The following RIMKLB variants were observed in gnomAD, a reference collection of about 807,000 sequenced individuals.
RIMKLB encodes the protein ribosomal modification protein rimK like family member B.
RIMKLB carries 7 observed loss-of-function variants against 32.0 expected under a neutral mutation model. The observed-to-expected ratio is 0.22, with a 90% CI of 0.12 to 0.41. The LOEUF (loss-of-function observed/expected upper bound fraction) is 0.41. Among genes scored for constraint, RIMKLB ranks in the 10% least tolerant of loss-of-function variants. The pLI is 1.00. For synonymous variants in RIMKLB, 172 were observed against 185.1 expected, an observed-to-expected ratio of 0.93 and a Z score of 0.57; for missense variants, 289 against 498.7, an observed-to-expected ratio of 0.58 and a Z score of 4.00.
chr12:8,756,050 G>C (rs1948994931), intron 5 of RIMKLB, among the ~76,000 whole-genome samples: 1 of 151,732 alleles, frequency 6.6e-6, no homozygotes, highest in South Asian at 2.1e-4. Context: ...GGCTACTCTG[G>C]AGGCTGAGGC....
chr12:8,731,091 T>C (rs1363360495), intron 2 of RIMKLB, among the ~76,000 whole-genome samples: 1 of 146,926 alleles, frequency 6.8e-6, no homozygotes, highest in African/African-American at 2.7e-5. Context: ...GACCTTTCAC[T>C]GTTTCTCTTT....
chr12:8,688,656 C>A (rs1043676508), intron 1 of RIMKLB, among the ~76,000 whole-genome samples: 1 of 151,818 alleles, frequency 6.6e-6, no homozygotes, highest in Non-Finnish European at 1.5e-5. Flanking sequence ...GATTTTTAAA[C>A]CTTAACAATT....
chr12:8,735,639 A>T (rs1229432843), intron 2 of RIMKLB, among the ~76,000 whole-genome samples: 3 of 152,040 alleles, frequency 2.0e-5, no homozygotes, highest in Non-Finnish European at 4.4e-5. Context: ...AAATTTTAAA[A>T]CTTTATTCAC....
intron 5 of RIMKLB, among the ~76,000 whole-genome samples, chr12:8,758,571 A>G (rs1435486471): frequency 1.3e-5 from 2 of 152,142 alleles, no homozygotes; most frequent in Non-Finnish European, 2.9e-5. Flanking sequence ...AAGCATATTC[A>G]TCTATTTCTT....
intron 2 of RIMKLB, among the ~76,000 whole-genome samples, chr12:8,718,715 T>C (rs923069458): frequency 1.4e-5 from 2 of 138,764 alleles, no homozygotes; most frequent in African/African-American, 5.8e-5. Context: ...GTGTGTATAA[T>C]CATTTTTAGA....
chr12:8,729,769 T>C (rs1162933188), intron 2 of RIMKLB, among the ~76,000 whole-genome samples: 1 of 152,108 alleles, frequency 6.6e-6, no homozygotes, highest in Non-Finnish European at 1.5e-5. Flanking sequence ...CCTGACCTAA[T>C]AGTCCATTTT....
intron 2 of RIMKLB, among the ~76,000 whole-genome samples, chr12:8,734,511 C>T (rs988491108): frequency 1.3e-5 from 2 of 152,108 alleles, no homozygotes; most frequent in African/African-American, 2.4e-5. Context: ...AGCTTTGTCT[C>T]ATAGATGAAA....
At chr12:8,770,254 C>T (rs775527267) in intron 5 of RIMKLB, among the ~76,000 whole-genome samples, 76 of 152,152 alleles carry the variant, frequency 5.0e-4, no homozygotes, top group African/African-American at 1.5e-3. Context: ...TGAGCCACCG[C>T]GCCTGGCCTA....
Position 8,774,672 on chromosome 12 carries a change from A to C in RIMKLB, c.*888A>C. ...TGAAGAAAATGCTACCTTTTTTGTT[A>C]ACAAGACACTGACTTGAAACATGTA... On this transcript the variant is annotated 3_prime_UTR_variant, in exon 6 of 6. Transcript: ENST00000535829. The C allele has an allele frequency of 1.0e-6, 1 of 985,176 alleles. No homozygotes were observed. The highest frequency in any genetic ancestry group is 1.2e-6 in the Non-Finnish European group (1 of 829,774). The allele number at this position is 985,176 out of a possible 1,614,324, so 61.0% of individuals were successfully genotyped here.
upstream of RIMKLB, among the ~76,000 whole-genome samples, chr12:8,692,568 C>G (rs1942762453): frequency 6.6e-6 from 1 of 152,128 alleles, no homozygotes. Flanking sequence ...GGGGGAAAAC[C>G]TGTATCATGT....
chr12:8,720,737 A>C (rs765862210), intron 2 of RIMKLB, among the ~76,000 whole-genome samples: 1 of 152,166 alleles, frequency 6.6e-6, no homozygotes, highest in East Asian at 1.9e-4. Context: ...ATGGGGTTTC[A>C]CCTTGTTGGC....
chr12:8,706,529 C>G (rs1219474647), intron 1 of RIMKLB, among the ~76,000 whole-genome samples: 2 of 150,748 alleles, frequency 1.3e-5, no homozygotes, highest in Admixed American at 1.3e-4. Context: ...TGGTTCACTG[C>G]AACCTCTGCC....
chr12:8,737,499 T>C (rs1041876015), intron 2 of RIMKLB, among the ~76,000 whole-genome samples: 2 of 152,194 alleles, frequency 1.3e-5, no homozygotes, highest in African/African-American at 4.8e-5. Context: ...CCTTACTATA[T>C]AGATATAGTG....
chr12:8,769,570 CCTTTTT>C (rs1237070258), intron 5 of RIMKLB, among the ~76,000 whole-genome samples: 3 of 151,886 alleles, frequency 2.0e-5, no homozygotes, highest in Non-Finnish European at 4.4e-5. Flanking sequence ...TCAAATTGTT[CCTTTTT>C]CTTTTTCTTT....
chr12:8,774,490 T>C lies in RIMKLB; in HGVS notation c.*706T>C, dbSNP rs1452872726. On this transcript the variant is annotated 3_prime_UTR_variant, in exon 6 of 6. Transcript: ENST00000535829. ...TAACATTAATTCAATGTAGATAAAA[T>C]TACACTAGTTTAAAATATGTGCATT... 32 of 981,896 alleles carry C rather than the reference T, an allele frequency of 3.3e-5. No homozygotes were observed. Among genetic ancestry groups the C allele is most frequent in the Non-Finnish European group, 3.9e-5 (32 of 826,536 alleles). 60.8% of individuals were successfully genotyped at this position (981,896 alleles called of 1,614,324 possible).
intron 5 of RIMKLB, among the ~76,000 whole-genome samples, chr12:8,771,359 A>T (rs1208787226): frequency 6.6e-6 from 1 of 152,128 alleles, no homozygotes; most frequent in Admixed American, 6.5e-5. Context: ...GCTGTGGGGT[A>T]GGTGAAAGGA....
At chr12:8,693,908 G>A (rs552480086), upstream of RIMKLB, among the ~76,000 whole-genome samples, 38 of 152,120 alleles carry the variant, frequency 2.5e-4, no homozygotes, top group Non-Finnish European at 4.7e-4. Context: ...GATTTAATCA[G>A]TTTTTGGGAG....
the RIMKLB span, among the ~76,000 whole-genome samples, chr12:8,669,376 G>A: frequency 3.1e-4 from 47 of 152,098 alleles, no homozygotes; most frequent in Non-Finnish European, 2.9e-5. Flanking sequence ...TAACATTGGG[G>A]GTCAAGTTTC....
intron 2 of RIMKLB, among the ~76,000 whole-genome samples, chr12:8,738,777 C>T (rs1947241391): frequency 6.6e-6 from 1 of 152,086 alleles, no homozygotes; most frequent in African/African-American, 2.4e-5. Flanking sequence ...AGGGAAGCTC[C>T]AAGAAATTTC....
Sources: gnomAD v4.1 joint callset for allele counts (sites outside exome capture counted in the v4.1 genomes callset) on GRCh38, gnomAD v4.1.1 for gene constraint, MANE v1.5 for transcripts, NCBI Gene and HGNC (gene_info 2026-07-23, HGNC 2026-07-21) for gene names.